The following RPH3A variants were observed in gnomAD, a reference collection of about 807,000 sequenced individuals.
RPH3A encodes the protein rabphilin-3A.
RPH3A carries 48 observed loss-of-function variants against 102.2 expected under a neutral mutation model. The ratio of observed to expected loss-of-function variants is 0.47; its 90% CI spans 0.37 to 0.60. RPH3A has a LOEUF of 0.60. RPH3A is among the 20% of genes least tolerant of loss of function. The pLI, the probability that RPH3A is intolerant of heterozygous loss-of-function variation, is 0.00. For missense variants in RPH3A, 781 were observed against 910.1 expected, an observed-to-expected ratio of 0.86 and a Z score of 1.83; for synonymous variants, 310 against 324.3, an observed-to-expected ratio of 0.96 and a Z score of 0.47.
At chr12:112,700,329 CA>C (rs2040384386) in intron 1 of RPH3A, among the ~76,000 whole-genome samples, 1 of 152,062 alleles carries the variant, frequency 6.6e-6, no homozygotes, top group African/African-American at 2.4e-5. Context: ...TCTGCTTCCC[CA>C]AGTGAATTCT....
At chr12:112,803,354 G>C (rs944255401) in intron 2 of RPH3A, among the ~76,000 whole-genome samples, 3 of 151,966 alleles carry the variant, frequency 2.0e-5, no homozygotes, top group Admixed American at 6.6e-5. Flanking sequence ...AATTATCAGG[G>C]AGAGGATGAA....
chr12:112,661,833 C>A (rs913956214), intron 1 of RPH3A, among the ~76,000 whole-genome samples: 1 of 152,088 alleles, frequency 6.6e-6, no homozygotes, highest in African/African-American at 2.4e-5. Context: ...GTTTCTGTGG[C>A]AGCATTGAAC....
At chr12:112,822,442 A>T (rs565474943) in intron 2 of RPH3A, among the ~76,000 whole-genome samples, 1 of 152,204 alleles carries the variant, frequency 6.6e-6, no homozygotes, top group East Asian at 1.9e-4. Context: ...TGTTTTTTCC[A>T]TTCAACTACA....
chr12:112,891,164 G>A, intron 19 of RPH3A, 161 bp downstream of exon 19: 1 of 770,710 alleles, frequency 1.3e-6, no homozygotes, highest in Non-Finnish European at 2.0e-6. Flanking sequence ...CAACTGGCAA[G>A]AATGTGGGTC....
At chr12:112,816,194 T>A (rs1057440115) in intron 2 of RPH3A, among the ~76,000 whole-genome samples, 7 of 152,216 alleles carry the variant, frequency 4.6e-5, no homozygotes, top group African/African-American at 7.2e-5. Context: ...TGGCTGCACG[T>A]CTTCCAGCAA....
intron 4 of RPH3A, among the ~76,000 whole-genome samples, chr12:112,845,982 C>T (rs1288100674): frequency 6.6e-6 from 1 of 151,858 alleles, no homozygotes; most frequent in Non-Finnish European, 1.5e-5. Context: ...GTGCAAAGGC[C>T]CTGAGGCAAA....
intron 1 of RPH3A, among the ~76,000 whole-genome samples, chr12:112,727,492 GAC>G (rs2040601887): frequency 6.2e-5 from 2 of 32,148 alleles, no homozygotes; most frequent in African/African-American, 2.3e-4. Context: ...CACACACACA[GAC>G]CCCCCCCCCC....
intron 12 of RPH3A, 39 bp from the exon 13 acceptor site, chr12:112,876,603 G>GGATGCAGCT: frequency 7.1e-7 from 1 of 1,415,978 alleles, no homozygotes; most frequent in Non-Finnish European, 9.6e-7. Flanking sequence ...TATGAAACAG[G>GGATGCAGCT]GATGCAGCTG....
intron 6 of RPH3A, 41 bp from the exon 7 acceptor site, chr12:112,866,716 G>C: frequency 6.4e-7 from 1 of 1,564,030 alleles, no homozygotes; most frequent in Non-Finnish European, 8.8e-7. Context: ...CCTCCCATGA[G>C]CATGGCTCAT....
chr12:112,739,511 A>G (rs557605846), intron 1 of RPH3A, among the ~76,000 whole-genome samples: 2 of 152,306 alleles, frequency 1.3e-5, no homozygotes, highest in East Asian at 1.9e-4. Context: ...TGAGAAGGTC[A>G]TCTGGCCTCC....
intron 3 of RPH3A, chr12:112,831,734 TG>T (rs979421912): frequency 2.2e-6 from 1 of 455,348 alleles, no homozygotes; most frequent in African/African-American, 2.0e-5. Flanking sequence ...ATTTATCCCT[TG>T]TTCTTGAAGG....
At chr12:112,621,465 G>A (rs376432444) in intron 1 of RPH3A, among the ~76,000 whole-genome samples, 11 of 147,380 alleles carry the variant, frequency 7.5e-5, no homozygotes, top group South Asian at 2.3e-4. Context: ...CTGGAAAATC[G>A]GGTCACTCCC....
chr12:112,705,283 A>T (rs1219181173), intron 1 of RPH3A, among the ~76,000 whole-genome samples: 2 of 152,180 alleles, frequency 1.3e-5, no homozygotes, highest in African/African-American at 4.8e-5. Context: ...GCTGCAAGGG[A>T]GTCTGGGAAA....
At position 112,827,764 on chromosome 12, in the gene RPH3A, G is replaced by A. The variant is rs576411858; in HGVS notation, c.-18-537G>A. On this transcript the variant is annotated intron_variant, in intron 2 of 21. Coordinates refer to ENST00000389385, the MANE Select transcript of RPH3A (RefSeq NM_001143854.2). ...GGCCTATCCTGGGGTGGGGGGCCAGGGGAGGGAGAGCATTAGAAGGAATAC... is the reference window on the plus strand; with the variant it reads ...GGCCTATCCTGGGGTGGGGGGCCAGAGGAGGGAGAGCATTAGAAGGAATAC... Among the ~76,000 whole-genome samples the A allele has an allele frequency of 4.6e-5, 7 of 152,250 alleles. No homozygotes were observed. The East Asian group carries it at 1.4e-3, about 29-fold the overall frequency.
chr12:112,841,706 GGTTTTTT>G (rs1565913162), intron 4 of RPH3A, among the ~76,000 whole-genome samples: 1 of 145,066 alleles, frequency 6.9e-6, no homozygotes, highest in Non-Finnish European at 1.5e-5. Context: ...TTGTTTTTTT[GGTTTTTT>G]TTTTTTTTCC....
intron 1 of RPH3A, among the ~76,000 whole-genome samples, chr12:112,729,387 TG>T (rs1374535951): frequency 6.6e-6 from 1 of 152,200 alleles, no homozygotes; most frequent in Non-Finnish European, 1.5e-5. Flanking sequence ...GGTTTCACCA[TG>T]TTGCACAGGC....
At position 112,677,593 on chromosome 12, in the gene RPH3A, C is replaced by T. The variant is rs186582285; in HGVS notation, c.-140+102274C>T. Among the ~76,000 whole-genome samples, 641 of 151,616 alleles carry T rather than the reference C, an allele frequency of 4.2e-3. 3 individuals are homozygous for T. The highest frequency in any genetic ancestry group is 0.015 in the African/African-American group (599 of 41,252). ...GGGATTACAGTTGTGAGCCACCCCA[C>T]CCTGCGAGCCTGTAATGTTCTACCT... On this transcript the variant is annotated intron_variant, in intron 1 of 21. Transcript: ENST00000543106.
At chr12:112,665,642 T>G (rs995299372) in intron 1 of RPH3A, among the ~76,000 whole-genome samples, 1 of 152,232 alleles carries the variant, frequency 6.6e-6, no homozygotes, top group Non-Finnish European at 1.5e-5. Flanking sequence ...TATTATTTAA[T>G]TTCTGTTGTT....
At chr12:112,585,920 C>T (rs1291572830) in intron 1 of RPH3A, among the ~76,000 whole-genome samples, 1 of 152,090 alleles carries the variant, frequency 6.6e-6, no homozygotes, top group African/African-American at 2.4e-5. Context: ...TGTTGATATG[C>T]AGATTCCTGG....
Sources: allele counts gnomAD v4.1 joint callset (sites outside exome capture counted in the v4.1 genomes callset), GRCh38; gene constraint gnomAD v4.1.1; transcripts MANE v1.5; gene names NCBI Gene and HGNC (gene_info 2026-07-23, HGNC 2026-07-21).